MGAT5: variants seen among roughly 807,000 people sequenced by gnomAD.
MGAT5 encodes the protein alpha-1,6-mannosylglycoprotein 6-beta-N-acetylglucosaminyltransferase A.
In MGAT5, 30 loss-of-function variants were observed where a neutral mutation model predicts 94.3. The observed-to-expected ratio is 0.32, with a 90% CI of 0.24 to 0.43. MGAT5 has a LOEUF of 0.43. Ranked by LOEUF, MGAT5 falls within the 20% of genes least tolerant of loss-of-function variation. The pLI, the probability that MGAT5 is intolerant of heterozygous loss-of-function variation, is 1.00. For missense variants in MGAT5, 691 were observed against 905.5 expected (o/e 0.76, Z 3.04); for synonymous variants, 310 against 322.9 (o/e 0.96, Z 0.43).
At chr2:134,219,687 C>T (rs1334676551) in intron 1 of MGAT5, among the ~76,000 whole-genome samples, 2 of 152,194 alleles carry the variant, frequency 1.3e-5, no homozygotes, top group African/African-American at 2.4e-5. Flanking sequence ...TGGGACCTAA[C>T]TACTCAGTAA....
intron 1 of MGAT5, among the ~76,000 whole-genome samples, chr2:134,260,207 A>G (rs947976819): frequency 3.3e-5 from 5 of 152,236 alleles, no homozygotes; most frequent in African/African-American, 4.8e-5. Flanking sequence ...TTCTGGTATC[A>G]ATATGGATGT....
At chr2:134,433,271 A>C (rs1684988816) in intron 14 of MGAT5, among the ~76,000 whole-genome samples, 1 of 152,174 alleles carries the variant, frequency 6.6e-6, no homozygotes, top group Non-Finnish European at 1.5e-5. Context: ...TTAATATCAC[A>C]ATTTGTTTAT....
intron 1 of MGAT5, among the ~76,000 whole-genome samples, chr2:134,165,433 G>GT (rs929765373): frequency 2.0e-4 from 30 of 151,936 alleles, no homozygotes; most frequent in African/African-American, 6.5e-4. Flanking sequence ...GGGAAGGGAA[G>GT]TTTTTTTTAG....
Position 134,257,509 on chromosome 2 carries a change from G to T in MGAT5, c.241+2865G>T, listed in dbSNP as rs1302778080. Among the ~76,000 whole-genome samples, 3 of 152,168 alleles carry T rather than the reference G, an allele frequency of 2.0e-5. No individual in the cohort carries two copies. In the South Asian group the frequency reaches 6.2e-4, roughly 32 times the overall value. On this transcript the variant is annotated intron_variant, in intron 1 of 15. Coordinates refer to ENST00000281923, the MANE Select transcript of MGAT5 (RefSeq NM_002410.5). ...AGTGCTGGGATTACAGGTGTGAGCC[G>T]CTGTGCCTGGCCTGGTTTTAGTTAT... is the stretch of plus-strand genomic sequence containing the variant.
upstream of MGAT5, chr2:134,119,966 G>C (rs1297072671): frequency 1.3e-5 from 2 of 152,148 alleles, no homozygotes; most frequent in Non-Finnish European, 2.9e-5. Context: ...GGGAGAAGTT[G>C]GTGAGGTTGG....
intron 1 of MGAT5, among the ~76,000 whole-genome samples, chr2:134,214,102 T>G (rs1205670231): frequency 6.6e-6 from 1 of 152,134 alleles, no homozygotes; most frequent in Non-Finnish European, 1.5e-5. Context: ...CCACCCTATA[T>G]TCCTAATACA....
intron 10 of MGAT5, among the ~76,000 whole-genome samples, chr2:134,381,625 G>A (rs1681641203): frequency 6.6e-6 from 1 of 152,048 alleles, no homozygotes; most frequent in South Asian, 2.1e-4. Flanking sequence ...CAGACAAACA[G>A]GAGAGATTAG....
chr2:134,187,444 T>C (rs1284994968), intron 1 of MGAT5, among the ~76,000 whole-genome samples: 2 of 152,196 alleles, frequency 1.3e-5, no homozygotes, highest in Non-Finnish European at 2.9e-5. Context: ...TCTCTGACTT[T>C]ATCTCCTGCT....
chr2:134,278,671 A>G (rs1353118181), intron 2 of MGAT5, among the ~76,000 whole-genome samples: 1 of 152,198 alleles, frequency 6.6e-6, no homozygotes, highest in Admixed American at 6.5e-5. Context: ...TTTGGAGGGC[A>G]AAGCCTCAGG....
At chr2:134,198,968 T>C (rs1409481833) in intron 1 of MGAT5, among the ~76,000 whole-genome samples, 1 of 152,256 alleles carries the variant, frequency 6.6e-6, no homozygotes, top group Non-Finnish European at 1.5e-5. Flanking sequence ...CATAGCTCCC[T>C]TGAAATGTAT....
At chr2:134,428,297 G>A (rs577672293) in intron 13 of MGAT5, 68 bp from the exon 14 acceptor site, 63 of 1,442,946 alleles carry the variant, frequency 4.4e-5, no homozygotes, top group South Asian at 3.5e-4. Context: ...TGAGTGAGTC[G>A]GAGGACTGAG....
chr2:134,399,353 TTCTG>T (rs1682902934), intron 10 of MGAT5, among the ~76,000 whole-genome samples: 1 of 152,202 alleles, frequency 6.6e-6, no homozygotes, highest in African/African-American at 2.4e-5. Context: ...TTATGACTGG[TTCTG>T]AACATGTACC....
chr2:134,437,618 TTA>T (rs1685232378), intron 14 of MGAT5, among the ~76,000 whole-genome samples: 1 of 152,206 alleles, frequency 6.6e-6, no homozygotes, highest in Admixed American at 6.5e-5. Flanking sequence ...CCCGGTTGAC[TTA>T]TCTTTTCTGT....
chr2:134,203,716 C>T (rs1441725871), intron 1 of MGAT5, among the ~76,000 whole-genome samples: 1 of 152,042 alleles, frequency 6.6e-6, no homozygotes, highest in East Asian at 1.9e-4. Flanking sequence ...AGACCTCTTC[C>T]TCCATTTAAA....
chr2:134,315,752 T>G (rs1686962678), intron 2 of MGAT5, among the ~76,000 whole-genome samples: 1 of 152,216 alleles, frequency 6.6e-6, no homozygotes, highest in Non-Finnish European at 1.5e-5. Flanking sequence ...TTACAGATCA[T>G]GCAACAGGGG....
chr2:134,387,060 G>C (rs764387363), intron 10 of MGAT5, among the ~76,000 whole-genome samples: 2 of 151,676 alleles, frequency 1.3e-5, no homozygotes, highest in Non-Finnish European at 1.5e-5. Context: ...TCAGGAGTTT[G>C]AGACCAGCCT....
At chr2:134,328,222 C>T (rs78232750) in intron 4 of MGAT5, among the ~76,000 whole-genome samples, 1 of 151,884 alleles carries the variant, frequency 6.6e-6, no homozygotes, top group Admixed American at 6.6e-5. Context: ...AAATTCTGCA[C>T]CCCCCCTCAC....
chr2:134,354,607 G>A (rs1176332237), intron 9 of MGAT5, among the ~76,000 whole-genome samples: 6 of 152,140 alleles, frequency 3.9e-5, no homozygotes, highest in Admixed American at 3.9e-4. Flanking sequence ...TTGCATTTCT[G>A]TATTATTTTG....
At chr2:134,192,288 A>T (rs1381083242) in intron 1 of MGAT5, among the ~76,000 whole-genome samples, 1 of 151,980 alleles carries the variant, frequency 6.6e-6, no homozygotes, top group Non-Finnish European at 1.5e-5. Context: ...TCCTCCCATG[A>T]GTGTGCTCTT....
Sources: gnomAD v4.1 joint callset for allele counts (sites outside exome capture counted in the v4.1 genomes callset) on GRCh38, gnomAD v4.1.1 for gene constraint, MANE v1.5 for transcripts, NCBI Gene and HGNC (gene_info 2026-07-23, HGNC 2026-07-21) for gene names.